TTC39C: variants seen among roughly 807,000 people sequenced by gnomAD.
TTC39C encodes tetratricopeptide repeat protein 39C.
TTC39C carries 33 observed loss-of-function variants against 76.3 expected under a neutral mutation model. The ratio of observed to expected loss-of-function variants is 0.43; its 90% CI spans 0.33 to 0.58. TTC39C has a LOEUF of 0.58. TTC39C is among the 20% of genes least tolerant of loss of function. The pLI, the probability that TTC39C is intolerant of heterozygous loss-of-function variation, is 0.04. For synonymous variants in TTC39C, 254 were observed against 260.6 expected (o/e 0.97, Z 0.24); for missense variants, 595 against 701.4 (o/e 0.85, Z 1.71).
intron 1 of TTC39C, among the ~76,000 whole-genome samples, chr18:24,037,205 C>T (rs2083742954): frequency 6.6e-6 from 1 of 152,154 alleles, no homozygotes; most frequent in South Asian, 2.1e-4. Context: ...TCATAGGGCA[C>T]TTGTGATTGT....
At chr18:23,999,057 G>T (rs7506119) in intron 1 of TTC39C, among the ~76,000 whole-genome samples, 7 of 152,148 alleles carry the variant, frequency 4.6e-5, no homozygotes, top group Non-Finnish European at 7.3e-5. Context: ...TGATATTTTC[G>T]TAACATACCC....
At chr18:24,023,967 TATATATATATATAC>T (rs1568408858) in intron 1 of TTC39C, among the ~76,000 whole-genome samples, 65 of 17,712 alleles carry the variant, frequency 3.7e-3, no homozygotes, top group South Asian at 5.4e-3. Context: ...TATATATATA[TATATATATATATAC>T]ATATATATAT....
intron 6 of TTC39C, among the ~76,000 whole-genome samples, chr18:24,109,574 G>T (rs555709214): frequency 2.4e-3 from 366 of 152,246 alleles, no homozygotes; most frequent in African/African-American, 8.4e-3. Context: ...GCTTTAAAAA[G>T]TGAACTAGTT....
intron 6 of TTC39C, among the ~76,000 whole-genome samples, chr18:24,112,509 G>T (rs973764866): frequency 6.6e-6 from 1 of 152,192 alleles, no homozygotes; most frequent in African/African-American, 2.4e-5. Flanking sequence ...GAAATGATTT[G>T]ATTGAAATAC....
At chr18:24,112,408 A>ACCAAGCT (rs1599337288) in intron 6 of TTC39C, among the ~76,000 whole-genome samples, 1 of 152,220 alleles carries the variant, frequency 6.6e-6, no homozygotes, top group East Asian at 1.9e-4. Context: ...GTTGACCTTG[A>ACCAAGCT]CCAAGCTCCT....
At chr18:24,017,033 A>G (rs1233376788) in intron 1 of TTC39C, among the ~76,000 whole-genome samples, 1 of 152,178 alleles carries the variant, frequency 6.6e-6, no homozygotes, top group Admixed American at 6.5e-5. Flanking sequence ...TCATTTTACC[A>G]TTCTGCTTCC....
chr18:24,099,782 T>C (rs190758925), intron 6 of TTC39C, among the ~76,000 whole-genome samples: 5 of 152,132 alleles, frequency 3.3e-5, no homozygotes, highest in Admixed American at 6.6e-5. Context: ...TGAAATCAGT[T>C]TTTTAATAAC....
intron 1 of TTC39C, among the ~76,000 whole-genome samples, chr18:24,007,673 C>T (rs1345429408): frequency 1.3e-5 from 2 of 152,226 alleles, no homozygotes; most frequent in Non-Finnish European, 2.9e-5. Flanking sequence ...CATGAGCCAC[C>T]TCACCCAGAC....
intron 2 of TTC39C, 41 bp downstream of exon 2, chr18:24,064,229 A>G (rs977405905): frequency 1.2e-6 from 2 of 1,607,734 alleles, no homozygotes; most frequent in African/African-American, 2.7e-5. Flanking sequence ...GAAGGAAACA[A>G]TTATATAAAG....
At chr18:24,030,631 C>A (rs1206216440) in intron 1 of TTC39C, among the ~76,000 whole-genome samples, 7 of 150,048 alleles carry the variant, frequency 4.7e-5, no homozygotes, top group African/African-American at 1.7e-4. Flanking sequence ...ATTCTCTCAA[C>A]AGCCCCAAAG....
In TTC39C at chr18:24,134,995, T is replaced by G. The variant is rs1282639091; in HGVS notation, c.*2421T>G. ...CAAAGTGTAGGTCTTTTTAAAATTT[T>G]TAATCTTTATTTTTATTTTTATTTT... On this transcript the variant is annotated 3_prime_UTR_variant, in exon 14 of 14. Coordinates refer to ENST00000317571, the MANE Select transcript of TTC39C (RefSeq NM_001135993.2). 6.6e-6 allele frequency: 1 copy of G among 151,904 alleles called. No homozygotes were observed. The highest frequency in any genetic ancestry group is 1.9e-4 in the East Asian group (1 of 5,164). 9.4% of individuals were successfully genotyped at this position (151,904 alleles called of 1,614,324 possible).
Position 24,043,967 on chromosome 18 carries a change from T to C in TTC39C, c.168-20173T>C, listed in dbSNP as rs78893679. Among the ~76,000 whole-genome samples, 641 of 152,336 alleles carry C rather than the reference T, an allele frequency of 4.2e-3. 27 individuals are homozygous for C. In the East Asian group the frequency reaches 0.1, roughly 24 times the overall value. ...TTTAACTTCTTGCCAAAAGTCTCTT[T>C]ACTACCGCGGATTGGATTTTTCACC... is the stretch of plus-strand genomic sequence containing the variant. On this transcript the variant is annotated intron_variant, in intron 1 of 13. Coordinates refer to ENST00000317571, the MANE Select transcript of TTC39C (RefSeq NM_001135993.2).
chr18:24,062,315 G>A (rs533638638), intron 1 of TTC39C, among the ~76,000 whole-genome samples: 9 of 152,292 alleles, frequency 5.9e-5, no homozygotes, highest in South Asian at 2.1e-4. Flanking sequence ...GGGAAAAGCT[G>A]CAGTACTCAG....
At chr18:24,127,077 T>C (rs1258584213) in intron 10 of TTC39C, among the ~76,000 whole-genome samples, 4 of 152,142 alleles carry the variant, frequency 2.6e-5, no homozygotes, top group African/African-American at 7.2e-5. Flanking sequence ...GGTATCAAAA[T>C]GAAAAAACTA....
chr18:24,065,745 A>G (rs545694000), intron 2 of TTC39C, among the ~76,000 whole-genome samples: 1 of 152,330 alleles, frequency 6.6e-6, no homozygotes, highest in East Asian at 1.9e-4. Flanking sequence ...ACTGTGTTTA[A>G]TAACAGCAAC....
intron 1 of TTC39C, 92 bp downstream of exon 1, chr18:24,015,130 C>A: frequency 8.2e-7 from 1 of 1,219,950 alleles, no homozygotes; most frequent in South Asian, 2.0e-5. Flanking sequence ...GAGCCCCCTC[C>A]CCCTCCTGTC....
chr18:24,113,893 A>G, intron 6 of TTC39C: 1 of 542,654 alleles, frequency 1.8e-6, no homozygotes. Context: ...AGTGTTGGAA[A>G]TGTAATCTGG....
intron 2 of TTC39C, among the ~76,000 whole-genome samples, chr18:24,064,956 G>A (rs991107052): frequency 1.3e-5 from 2 of 152,150 alleles, no homozygotes; most frequent in African/African-American, 2.4e-5. Context: ...AAATGTTAAC[G>A]GCTATTGTTT....
rs199756222 is a variant in TTC39C, at chr18:24,001,832, T to TTTTTG, written c.-17+8798_-17+8799insGTTTT. On this transcript the variant is annotated intron_variant, in intron 1 of 13. Coordinates refer to the TTC39C transcript ENST00000304621. ...GGTGTACGGTAATTCTGTTTTTTTT[T>TTTTTG]TTTTTTTTTTTGAGACGGAGTCTCG... Among the ~76,000 whole-genome samples the TTTTTG allele has an allele frequency of 3.7e-3, 496 of 134,364 alleles. 13 individuals carry two copies. The highest frequency in any genetic ancestry group is 9.5e-3 in the African/African-American group (332 of 34,918). The allele number at this position is 134,364 out of a possible 152,430, so 88.1% of individuals were successfully genotyped here. A position where few individuals can be genotyped will look rare whatever the true frequency, so the allele number is the denominator to read the frequency against.
Sources: gnomAD v4.1 joint callset for allele counts (sites outside exome capture counted in the v4.1 genomes callset) on GRCh38, gnomAD v4.1.1 for gene constraint, MANE v1.5 for transcripts, NCBI Gene and HGNC (gene_info 2026-07-23, HGNC 2026-07-21) for gene names.